The following GREM2 variants were observed in gnomAD, a reference collection of about 807,000 sequenced individuals.
GREM2 encodes gremlin 2, DAN family BMP antagonist, also known as gremlin-2.
A neutral mutation model predicts 14.2 loss-of-function variants in GREM2; 11 were observed. That is an observed-to-expected ratio of 0.78 (90% CI 0.49 to 1.28). The LOEUF (loss-of-function observed/expected upper bound fraction) is 1.28, where lower values mean the gene tolerates loss of function less well. Ranked by LOEUF, GREM2 falls within the 50% of genes most tolerant of loss-of-function variation. The pLI, the probability that GREM2 is intolerant of heterozygous loss-of-function variation, is 0.00. For missense variants in GREM2, 210 were observed against 218.5 expected (o/e 0.96, Z 0.24); for synonymous variants, 98 against 97.6 (o/e 1.00, Z -0.02).
chr1:240,594,454 T>C (rs947293450), intron 1 of GREM2, among the ~76,000 whole-genome samples: 2 of 152,168 alleles, frequency 1.3e-5, no homozygotes, highest in Non-Finnish European at 2.9e-5. Context: ...GAAAGAATAT[T>C]GGGTTGAACC....
intron 1 of GREM2, among the ~76,000 whole-genome samples, chr1:240,598,477 G>T (rs921323921): frequency 9.2e-5 from 14 of 152,190 alleles, no homozygotes; most frequent in Non-Finnish European, 2.1e-4. Flanking sequence ...GAAGACCAAA[G>T]ATATTTTTAC....
intron 1 of GREM2, among the ~76,000 whole-genome samples, chr1:240,555,280 AC>A (rs1678934115): frequency 6.6e-6 from 1 of 152,204 alleles, no homozygotes; most frequent in Admixed American, 6.5e-5. Flanking sequence ...TAATTAAATG[AC>A]CTTGAGGAAG....
chr1:240,505,577 T>G (rs940016328), intron 1 of GREM2, among the ~76,000 whole-genome samples: 1 of 152,102 alleles, frequency 6.6e-6, no homozygotes, highest in Non-Finnish European at 1.5e-5. Flanking sequence ...CTTTTTTCAG[T>G]GTTACTGGGT....
intron 1 of GREM2, among the ~76,000 whole-genome samples, chr1:240,515,134 G>A (rs1277742935): frequency 6.6e-6 from 1 of 152,212 alleles, no homozygotes; most frequent in Non-Finnish European, 1.5e-5. Context: ...AATAGCAGCG[G>A]GAATGGGGAG....
rs1039303467 is a variant in GREM2 at position 240,572,604 on chromosome 1, T to TA, written c.-2+39279dup. On this transcript the variant is annotated intron_variant, in intron 1 of 1. Transcript: ENST00000318160. ...CTTGAAGCTAATGATTATAGGGAGTTAAAACCAAACTATTTTCTTCCAGTT... is the reference window on the plus strand; with the variant it reads ...CTTGAAGCTAATGATTATAGGGAGTTAAAAACCAAACTATTTTCTTCCAGTT... 2.0e-5 allele frequency among the ~76,000 whole-genome samples: 3 copies of TA among 152,198 alleles called. No homozygotes were observed. In the East Asian group the frequency reaches 5.8e-4, roughly 29 times the overall value.
intron 1 of GREM2, among the ~76,000 whole-genome samples, chr1:240,496,702 C>T (rs1677426567): frequency 6.6e-6 from 1 of 152,166 alleles, no homozygotes; most frequent in African/African-American, 2.4e-5. Context: ...GCCTGGTGTA[C>T]AGTAGGCACT....
chr1:240,589,508 T>C (rs561724521), intron 1 of GREM2, among the ~76,000 whole-genome samples: 1 of 152,274 alleles, frequency 6.6e-6, no homozygotes, highest in East Asian at 1.9e-4. Context: ...AACAATTTTC[T>C]TTCCTCATCC....
At chr1:240,535,552 C>T (rs541914059) in intron 1 of GREM2, among the ~76,000 whole-genome samples, 12 of 152,268 alleles carry the variant, frequency 7.9e-5, no homozygotes, top group African/African-American at 2.9e-4. Context: ...GTAATCCCCA[C>T]ATTTTGGGAG....
At chr1:240,498,852 T>A (rs113128436) in intron 1 of GREM2, among the ~76,000 whole-genome samples, 9 of 152,354 alleles carry the variant, frequency 5.9e-5, no homozygotes, top group Non-Finnish European at 1.2e-4. Flanking sequence ...TTGGTTTTAT[T>A]AACCATCTTT....
At chr1:240,559,770 G>A (rs962329380) in intron 1 of GREM2, among the ~76,000 whole-genome samples, 2 of 152,188 alleles carry the variant, frequency 1.3e-5, no homozygotes, top group African/African-American at 4.8e-5. Context: ...GTTTCTCAAA[G>A]TGATAGCTTC....
chr1:240,534,471 C>T (rs934247395), intron 1 of GREM2, among the ~76,000 whole-genome samples: 1 of 151,932 alleles, frequency 6.6e-6, no homozygotes, highest in African/African-American at 2.4e-5. Context: ...GGGCAGATCA[C>T]GAGGTCAGGA....
chr1:240,552,123 T>C lies in GREM2; in HGVS notation c.-1-58647A>G, dbSNP rs905011757. On this transcript the variant is annotated intron_variant, in intron 1 of 1. Transcript: ENST00000318160. Reference sequence around the variant, plus strand: ...CTTGTAGCAGTAATATTACGATCCTTGGGTATAAGTGATGGTGAGATGATA... The same window carrying C: ...CTTGTAGCAGTAATATTACGATCCTCGGGTATAAGTGATGGTGAGATGATA... 5.9e-5 allele frequency among the ~76,000 whole-genome samples: 9 copies of C among 152,292 alleles called. No individual in the cohort carries two copies. The East Asian group carries it at 1.7e-3, about 29-fold the overall frequency.
In GREM2 at chr1:240,584,202, T is replaced by A. The variant is rs530335096; in HGVS notation, c.-2+27682A>T. 6.8e-4 allele frequency among the ~76,000 whole-genome samples: 103 copies of A among 152,086 alleles called. 2 individuals are homozygous for A. The South Asian group carries it at 0.02, about 29-fold the overall frequency. Reference sequence around the variant, plus strand: ...AGTAAGACCCCATCTCTACAAAAAATTTTTTAAAATGGCCGGGCGCAGTGG... The same window carrying A: ...AGTAAGACCCCATCTCTACAAAAAAATTTTTAAAATGGCCGGGCGCAGTGG... On this transcript the variant is annotated intron_variant, in intron 1 of 1. Coordinates refer to ENST00000318160, the MANE Select transcript of GREM2 (RefSeq NM_022469.4).
chr1:240,583,325 G>A (rs564335370), intron 1 of GREM2, among the ~76,000 whole-genome samples: 11 of 152,290 alleles, frequency 7.2e-5, no homozygotes, highest in East Asian at 1.9e-4. Flanking sequence ...ACATGCAGAC[G>A]TTATTTAGGA....
At chr1:240,582,570 T>TG (rs1679506493) in intron 1 of GREM2, among the ~76,000 whole-genome samples, 1 of 151,932 alleles carries the variant, frequency 6.6e-6, no homozygotes, top group Non-Finnish European at 1.5e-5. Flanking sequence ...CCGAGACAGG[T>TG]GGATCACCGG....
At chr1:240,580,317 T>A (rs1572408636) in intron 1 of GREM2, among the ~76,000 whole-genome samples, 1 of 152,346 alleles carries the variant, frequency 6.6e-6, no homozygotes, top group East Asian at 1.9e-4. Flanking sequence ...GTAACATGAA[T>A]AACTGTTAGG....
At chr1:240,599,200 G>A (rs1207370175) in intron 1 of GREM2, among the ~76,000 whole-genome samples, 3 of 151,606 alleles carry the variant, frequency 2.0e-5, no homozygotes, top group African/African-American at 7.3e-5. Context: ...TCCAGGAGGT[G>A]GAGGTTCCAG....
At chr1:240,562,894 GTA>G (rs1679080854) in intron 1 of GREM2, among the ~76,000 whole-genome samples, 8 of 150,866 alleles carry the variant, frequency 5.3e-5, no homozygotes, top group Middle Eastern at 3.2e-3. Context: ...GTATGAGTGT[GTA>G]TGTGTGTATG....
chr1:240,557,238 A>G (rs2103345481), intron 1 of GREM2, among the ~76,000 whole-genome samples: 1 of 152,012 alleles, frequency 6.6e-6, no homozygotes, highest in Non-Finnish European at 1.5e-5. Flanking sequence ...AAATAAAACG[A>G]ATCACGGGAA....
Sources: gnomAD v4.1 joint callset for allele counts (sites outside exome capture counted in the v4.1 genomes callset) on GRCh38, gnomAD v4.1.1 for gene constraint, MANE v1.5 for transcripts, NCBI Gene and HGNC (gene_info 2026-07-23, HGNC 2026-07-21) for gene names.